SLX4IP: variants seen among roughly 807,000 people sequenced by gnomAD.
The protein encoded by SLX4IP is SLX4 interacting protein.
A neutral mutation model predicts 32.9 loss-of-function variants in SLX4IP; 34 were observed. The observed-to-expected ratio is 1.03, with a 90% CI of 0.79 to 1.38. SLX4IP has a LOEUF of 1.38. SLX4IP is among the 40% of genes most tolerant of loss of function. The pLI is 0.00. For missense variants in SLX4IP, 444 were observed against 479.0 expected, an observed-to-expected ratio of 0.93 and a Z score of 0.68; for synonymous variants, 172 against 171.7, an observed-to-expected ratio of 1.00 and a Z score of -0.01.
chr20:10,614,092 G>A lies in SLX4IP; in HGVS notation c.406-7222G>A. 2.6e-6 allele frequency: 4 copies of A among 1,535,454 alleles called. No homozygotes were observed. In the South Asian group the frequency reaches 4.7e-5, roughly 18 times the overall value. On this transcript the variant is annotated intron_variant, in intron 6 of 7. Coordinates refer to ENST00000334534, the MANE Select transcript of SLX4IP (RefSeq NM_001009608.3). The stretch of plus-strand genomic sequence containing the variant: ...TCGCCCTCGCCCACCCGGTCCAGGT[G>A]TACCTGCAGGGACACCTTGTGGTAG...
At chr20:10,504,541 G>A (rs1471932654) in intron 2 of SLX4IP, among the ~76,000 whole-genome samples, 1 of 152,150 alleles carries the variant, frequency 6.6e-6, no homozygotes, top group Admixed American at 6.5e-5. Flanking sequence ...GAGGAAGTAG[G>A]AGGGTGCTTG....
intron 4 of SLX4IP, among the ~76,000 whole-genome samples, chr20:10,598,453 A>G (rs1479230742): frequency 6.6e-6 from 1 of 152,172 alleles, no homozygotes; most frequent in Non-Finnish European, 1.5e-5. Flanking sequence ...TAATAGAGAC[A>G]GGGTTTCACC....
At chr20:10,439,308 A>G (rs1027397526) in intron 1 of SLX4IP, among the ~76,000 whole-genome samples, 1 of 151,958 alleles carries the variant, frequency 6.6e-6, no homozygotes, top group Non-Finnish European at 1.5e-5. Context: ...TCCTGGGTTC[A>G]GGTGATTCTC....
At chr20:10,613,541 A>G (rs773816033) in intron 6 of SLX4IP, 16 of 1,611,586 alleles carry the variant, frequency 9.9e-6, no homozygotes, top group Non-Finnish European at 1.4e-5. Flanking sequence ...CCTTTTGCCA[A>G]TCCTTTTGTC....
At chr20:10,447,264 TTGTC>T (rs1160935973) in intron 1 of SLX4IP, among the ~76,000 whole-genome samples, 4 of 151,354 alleles carry the variant, frequency 2.6e-5, no homozygotes, top group East Asian at 1.9e-4. Context: ...CTCTGCCTGT[TTGTC>T]TGCCCGTTTG....
chr20:10,580,296 C>CGTCA (rs1008727404), intron 4 of SLX4IP, among the ~76,000 whole-genome samples: 13 of 152,022 alleles, frequency 8.6e-5, no homozygotes, highest in African/African-American at 2.9e-4. Context: ...GAACTCTAGG[C>CGTCA]GTCAGTCTAC....
chr20:10,603,172 A>G (rs1355489691), intron 6 of SLX4IP, among the ~76,000 whole-genome samples: 2 of 152,258 alleles, frequency 1.3e-5, no homozygotes, highest in African/African-American at 2.4e-5. Flanking sequence ...GTTTAAGAAA[A>G]CAACAATTAA....
intron 6 of SLX4IP, chr20:10,612,957 G>C (rs1452042544): frequency 5.8e-6 from 1 of 171,998 alleles, no homozygotes; most frequent in African/African-American, 2.4e-5. Context: ...AAACCTGGCT[G>C]AGTAAAATGA....
chr20:10,584,730 A>G (rs548427797), intron 4 of SLX4IP, among the ~76,000 whole-genome samples: 15 of 152,300 alleles, frequency 9.8e-5, no homozygotes, highest in African/African-American at 3.1e-4. Context: ...TGGGAATTGG[A>G]AAGACCCTAG....
At position 10,624,350 on chromosome 20, in the gene SLX4IP, T is replaced by C. The variant is rs1987304672; in HGVS notation, c.*971T>C. ...CAGTGACCAGGTTCCAGTTTCCCAG[T>C]TGGAAGGCTTCGCAGGCAGTTCAAA... is the stretch of plus-strand genomic sequence containing the variant. On this transcript the variant is annotated 3_prime_UTR_variant, in exon 8 of 8. Transcript: ENST00000334534. 1 of 152,216 alleles carries C rather than the reference T, an allele frequency of 6.6e-6. No individual in the cohort carries two copies. Among genetic ancestry groups the C allele is most frequent in the South Asian group, 2.1e-4 (1 of 4,836 alleles). The allele number at this position is 152,216 out of a possible 1,614,324, so 9.4% of individuals were successfully genotyped here. A position where few individuals can be genotyped will look rare whatever the true frequency, so the allele number is the denominator to read the frequency against.
At chr20:10,543,037 G>T (rs2066124974) in intron 2 of SLX4IP, among the ~76,000 whole-genome samples, 2 of 152,174 alleles carry the variant, frequency 1.3e-5, no homozygotes, top group South Asian at 4.1e-4. Flanking sequence ...GGTTATGGCT[G>T]TTTAACTGGT....
intron 2 of SLX4IP, among the ~76,000 whole-genome samples, chr20:10,518,741 TG>T (rs1187411057): frequency 6.6e-6 from 1 of 151,912 alleles, no homozygotes; most frequent in African/African-American, 2.4e-5. Context: ...CTAATATTTT[TG>T]TATTTTTTGT....
intron 2 of SLX4IP, among the ~76,000 whole-genome samples, chr20:10,510,665 C>T (rs111879597): frequency 6.6e-5 from 10 of 150,880 alleles, no homozygotes; most frequent in South Asian, 6.3e-4. Context: ...ACTGCAGTGG[C>T]GCAATCTCGG....
chr20:10,439,746 A>G (rs1486641513), intron 1 of SLX4IP, among the ~76,000 whole-genome samples: 2 of 152,256 alleles, frequency 1.3e-5, no homozygotes, highest in South Asian at 2.1e-4. Flanking sequence ...TTTAAGCTGT[A>G]TTAAACCTCA....
At chr20:10,436,093 A>G (rs774358339) in intron 1 of SLX4IP, among the ~76,000 whole-genome samples, 2 of 151,998 alleles carry the variant, frequency 1.3e-5, no homozygotes, top group African/African-American at 2.4e-5. Context: ...AATTAATGGT[A>G]TTGACACTTA....
chr20:10,596,642 C>A (rs2066773924), intron 4 of SLX4IP, among the ~76,000 whole-genome samples: 1 of 152,148 alleles, frequency 6.6e-6, no homozygotes, highest in Non-Finnish European at 1.5e-5. Flanking sequence ...GGTAGAATAA[C>A]AGATATTATA....
intron 4 of SLX4IP, among the ~76,000 whole-genome samples, chr20:10,569,884 T>G (rs1208823919): frequency 6.6e-6 from 1 of 152,216 alleles, no homozygotes; most frequent in Non-Finnish European, 1.5e-5. Context: ...CTCATTTTAA[T>G]TTAATTACCT....
intron 4 of SLX4IP, among the ~76,000 whole-genome samples, chr20:10,588,523 A>G (rs933272115): frequency 1.6e-4 from 25 of 152,192 alleles, no homozygotes; most frequent in African/African-American, 6.0e-4. Flanking sequence ...AGGAAATGAA[A>G]CTAGCATCTT....
At chr20:10,563,541 CT>C (rs2066355488) in intron 4 of SLX4IP, among the ~76,000 whole-genome samples, 1 of 152,070 alleles carries the variant, frequency 6.6e-6, no homozygotes, top group Non-Finnish European at 1.5e-5. Flanking sequence ...GTTTTTGGGT[CT>C]TAAATTCAAG....
Sources: gnomAD v4.1 joint callset for allele counts (sites outside exome capture counted in the v4.1 genomes callset) on GRCh38, gnomAD v4.1.1 for gene constraint, MANE v1.5 for transcripts, NCBI Gene and HGNC (gene_info 2026-07-23, HGNC 2026-07-21) for gene names.